The following GRIK4 variants were observed in gnomAD, a reference collection of about 807,000 sequenced individuals.
GRIK4 encodes the protein glutamate ionotropic receptor kainate type subunit 4.
A neutral mutation model predicts 104.9 loss-of-function variants in GRIK4; 40 were observed. The observed-to-expected ratio is 0.38, with a 90% CI of 0.30 to 0.50. GRIK4 has a LOEUF of 0.50. GRIK4 is among the 20% of genes least tolerant of loss of function. GRIK4 has a pLI of 0.93. For synonymous variants in GRIK4, 485 were observed against 524.9 expected, an observed-to-expected ratio of 0.92 and a Z score of 1.04; for missense variants, 1,047 against 1,308.1, an observed-to-expected ratio of 0.80 and a Z score of 3.08.
chr11:120,984,181 TAAAG>T (rs1291389765), intron 20 of GRIK4, among the ~76,000 whole-genome samples: 1 of 152,216 alleles, frequency 6.6e-6, no homozygotes, highest in East Asian at 1.9e-4. Flanking sequence ...ATAGCTAAAA[TAAAG>T]AGTCAGTGCT....
intron 19 of GRIK4, among the ~76,000 whole-genome samples, chr11:120,979,073 A>G (rs1406279549): frequency 1.3e-5 from 2 of 152,380 alleles, no homozygotes; most frequent in Admixed American, 6.5e-5. Flanking sequence ...TCTCCTTTAG[A>G]TCTCATAGAC....
At chr11:120,883,968 A>G (rs956862758) in intron 11 of GRIK4, among the ~76,000 whole-genome samples, 4 of 152,196 alleles carry the variant, frequency 2.6e-5, no homozygotes, top group African/African-American at 9.6e-5. Flanking sequence ...GAGGTGGGCC[A>G]GGCCACCGGC....
intron 1 of GRIK4, among the ~76,000 whole-genome samples, chr11:120,545,471 A>G (rs1196157601): frequency 6.6e-6 from 1 of 152,228 alleles, no homozygotes; most frequent in African/African-American, 2.4e-5. Context: ...CTGGCATGGA[A>G]TGAGTAATTG....
Position 120,656,534 on chromosome 11 carries a change from G to C in GRIK4, c.-51+2742G>C, listed in dbSNP as rs117175416. 5.8e-4 allele frequency among the ~76,000 whole-genome samples: 88 copies of C among 152,310 alleles called. 1 individual carries two copies. In the East Asian group the frequency reaches 0.016, roughly 28 times the overall value. ...AGGGGGTCACAGAGCTGAGGCCCAA[G>C]AGCAGCCCAGGACCTGAGCCACTGT... On this transcript the variant is annotated intron_variant, in intron 2 of 20. Transcript: ENST00000527524.
chr11:120,586,859 G>A (rs548230000), intron 1 of GRIK4, among the ~76,000 whole-genome samples: 101 of 152,242 alleles, frequency 6.6e-4, no homozygotes, highest in African/African-American at 2.1e-3. Flanking sequence ...CCCTGCAGTC[G>A]CGCTGCCCCA....
intron 1 of GRIK4, among the ~76,000 whole-genome samples, chr11:120,539,004 C>T (rs1469206050): frequency 6.6e-6 from 1 of 152,226 alleles, no homozygotes; most frequent in Non-Finnish European, 1.5e-5. Flanking sequence ...TGACCACCTG[C>T]CCCCAAAGCT....
intron 1 of GRIK4, among the ~76,000 whole-genome samples, chr11:120,585,541 G>A (rs1402039187): frequency 2.0e-5 from 3 of 151,812 alleles, no homozygotes; most frequent in African/African-American, 7.3e-5. Flanking sequence ...AGTGCCTTTC[G>A]AAGAACAGTA....
rs764370197 is a variant in GRIK4, at chr11:120,874,229, G to A, written c.1059+11G>A. On this transcript the variant is annotated intron_variant, in intron 10 of 20. Transcript: ENST00000527524. Reference sequence around the variant, plus strand: ...AACTACCTGCGCATGGTGAGGAGCGGCTGAGGCCCTGCAGGGCTGTGCCCA... The same window carrying A: ...AACTACCTGCGCATGGTGAGGAGCGACTGAGGCCCTGCAGGGCTGTGCCCA... The A allele has an allele frequency of 6.2e-7, 1 of 1,605,984 alleles. No homozygotes were observed. Among genetic ancestry groups the A allele is most frequent in the Non-Finnish European group, 8.5e-7 (1 of 1,176,800 alleles).
At chr11:120,862,434 G>A (rs1032506832) in intron 9 of GRIK4, 3 of 276,056 alleles carry the variant, frequency 1.1e-5, no homozygotes, top group Admixed American at 5.1e-5. Flanking sequence ...TCCAAGAATC[G>A]GTTGGAAGGG....
At chr11:120,933,250 A>G (rs1234621135) in intron 13 of GRIK4, among the ~76,000 whole-genome samples, 1 of 152,240 alleles carries the variant, frequency 6.6e-6, no homozygotes, top group Non-Finnish European at 1.5e-5. Flanking sequence ...AGGGCTGCAC[A>G]TACACAGAAC....
intron 19 of GRIK4, among the ~76,000 whole-genome samples, chr11:120,972,284 T>C (rs1228877330): frequency 6.6e-6 from 1 of 152,032 alleles, no homozygotes; most frequent in Non-Finnish European, 1.5e-5. Flanking sequence ...AAAGCTGGTG[T>C]GGTGGGATGG....
intron 1 of GRIK4, among the ~76,000 whole-genome samples, chr11:120,643,355 C>T (rs1053601388): frequency 6.6e-6 from 1 of 152,150 alleles, no homozygotes; most frequent in African/African-American, 2.4e-5. Context: ...GTTCTAGGTC[C>T]AGGGCCCAGC....
chr11:120,512,971 G>A (rs1193498687), intron 1 of GRIK4, among the ~76,000 whole-genome samples: 1 of 152,186 alleles, frequency 6.6e-6, no homozygotes, highest in Non-Finnish European at 1.5e-5. Flanking sequence ...TGGACCTTGG[G>A]CTGCGTGGCT....
At position 120,714,484 on chromosome 11, in the gene GRIK4, A is replaced by G. The variant is rs779391187; in HGVS notation, c.82+54084A>G. 5.8e-4 allele frequency among the ~76,000 whole-genome samples: 88 copies of G among 151,998 alleles called. 1 individual carries two copies. The highest frequency in any genetic ancestry group is 3.2e-3 in the Middle Eastern group (1 of 316). The stretch of plus-strand genomic sequence containing the variant: ...TATGAATCTAGTGGTACATGGGGAG[A>G]AGTGGTTTTTTGCTTCTTGGAACTT... On this transcript the variant is annotated intron_variant, in intron 3 of 20. Coordinates refer to ENST00000527524, the MANE Select transcript of GRIK4 (RefSeq NM_014619.5).
chr11:120,905,618 A>G lies in GRIK4; in HGVS notation c.1476+125A>G. 1 of 715,452 alleles carries G rather than the reference A, an allele frequency of 1.4e-6. No individual in the cohort carries two copies. The allele number at this position is 715,452 out of a possible 1,614,324, so 44.3% of individuals were successfully genotyped here. ...TCAATCATTCATGCATTTGTCATTT[A>G]TTTGTCCACTCATTCTATAAATCTT... On this transcript the variant is annotated intron_variant, in intron 13 of 20. Transcript: ENST00000527524. This position sits in a 1 kb window ranked among gnomAD's most constrained non-coding sequence, Gnocchi z 5.1.
intron 1 of GRIK4, among the ~76,000 whole-genome samples, chr11:120,623,286 C>T (rs182374217): frequency 9.2e-5 from 14 of 152,244 alleles, no homozygotes; most frequent in Admixed American, 3.3e-4. Context: ...GGGCTACACT[C>T]AGCTAATTTT....
intron 3 of GRIK4, among the ~76,000 whole-genome samples, chr11:120,759,897 A>G (rs536847248): frequency 6.6e-6 from 1 of 152,220 alleles, no homozygotes; most frequent in East Asian, 1.9e-4. Context: ...GGGGATACAT[A>G]TAGATAGTAA....
intron 3 of GRIK4, among the ~76,000 whole-genome samples, chr11:120,753,297 CTGTG>C (rs57423619): frequency 0.037 from 4,843 of 130,160 alleles, 86 homozygotes; most frequent in Non-Finnish European, 0.043. Flanking sequence ...CAACACAACT[CTGTG>C]TGTGTGTGTG....
intron 18 of GRIK4, among the ~76,000 whole-genome samples, chr11:120,965,608 G>A (rs749803618): frequency 8.5e-5 from 13 of 152,192 alleles, no homozygotes; most frequent in Admixed American, 1.3e-4. Flanking sequence ...GGGTTTGGGC[G>A]TCCAAGCATA....
Sources: gnomAD v4.1 joint callset for allele counts (sites outside exome capture counted in the v4.1 genomes callset) on GRCh38, gnomAD v4.1.1 for gene constraint, Gnocchi (gnomAD v3.1) non-coding constraint, MANE v1.5 for transcripts, NCBI Gene and HGNC (gene_info 2026-07-23, HGNC 2026-07-21) for gene names.